COL4A2: variants seen among roughly 807,000 people sequenced by gnomAD.
COL4A2 encodes collagen alpha-2(IV) chain.
Under a neutral mutation model 200.2 loss-of-function variants are expected in COL4A2, and 99 were observed. The ratio of observed to expected loss-of-function variants is 0.49; its 90% CI spans 0.42 to 0.58. The LOEUF is 0.58. COL4A2 is among the 20% of genes least tolerant of loss of function. The probability of loss-of-function intolerance (pLI) is 0.00; values close to 1 mark genes in which losing one functional copy is unlikely to be tolerated. For synonymous variants in COL4A2, 897 were observed against 900.6 expected, an observed-to-expected ratio of 1.00 and a Z score of 0.07; for missense variants, 1,950 against 2,314.1, an observed-to-expected ratio of 0.84 and a Z score of 3.23.
rs1384327014 is a variant in COL4A2 at position 110,458,748 on chromosome 13, GCCCTCCTCT to G, written c.1433-13_1433-5del. The stretch of plus-strand genomic sequence containing the variant: ...GCTAAGAGGAATGCGGAACAAGGAG[GCCCTCCTCT>G]CCCTCCTCTGCAGGTGACGCTGGGG... On this transcript the variant is annotated splice_polypyrimidine_tract_variant and intron_variant, in intron 21 of 47. Transcript: ENST00000360467. 6.2e-7 allele frequency: 1 copy of G among 1,613,576 alleles called. No individual in the cohort carries two copies. The highest frequency in any genetic ancestry group is 1.1e-5 in the South Asian group (1 of 91,054).
Position 110,466,055 on chromosome 13 carries a change from C to A in COL4A2, c.2031C>A (p.Ile677=). The change falls in exon 26 of 48, where the codon ATC becomes ATA. Residue 677 remains isoleucine (I), a synonymous_variant. Coordinates refer to ENST00000360467, the MANE Select transcript of COL4A2 (RefSeq NM_001846.4). ...RAVGGDRQEA[I]QPGCIGGPKG... is the part of the protein sequence containing the mutation. ...TTGGAGGTGACAGACAGGAGGCCATCCAGCCAGGTACTCTGGGAAGTGCAG... is the reference window on the plus strand; with the variant it reads ...TTGGAGGTGACAGACAGGAGGCCATACAGCCAGGTACTCTGGGAAGTGCAG... The A allele has an allele frequency of 1.2e-6, 2 of 1,613,706 alleles. No individual in the cohort carries two copies. Among genetic ancestry groups the A allele is most frequent in the Non-Finnish European group, 1.7e-6 (2 of 1,179,676 alleles).
At chr13:110,338,890 G>A (rs1406618731) in intron 3 of COL4A2, among the ~76,000 whole-genome samples, 1 of 152,194 alleles carries the variant, frequency 6.6e-6, no homozygotes, top group Non-Finnish European at 1.5e-5. Flanking sequence ...TTTGTTTGGG[G>A]CTTTGTTTTG....
At chr13:110,500,467 C>T (rs1309001947) in intron 40 of COL4A2, among the ~76,000 whole-genome samples, 1 of 152,208 alleles carries the variant, frequency 6.6e-6, no homozygotes, top group Non-Finnish European at 1.5e-5. Flanking sequence ...GCACATAAAG[C>T]TCCATTAGTG....
At chr13:110,489,565 A>C in intron 35 of COL4A2, 57 bp downstream of exon 35, 2 of 1,598,292 alleles carry the variant, frequency 1.3e-6, no homozygotes, top group Non-Finnish European at 1.7e-6. Flanking sequence ...CTCTCTGAGC[A>C]TGTGAGCCAA....
chr13:110,489,673 A>G lies in COL4A2; in HGVS notation c.3272-38A>G, dbSNP rs369681905. ...TGCAAAACTCACAAAGTCCCAGTGG[A>G]AAGTCCTGTTCTTAGCCGTCTTTTT... On this transcript the variant is annotated intron_variant, in intron 35 of 47. Transcript: ENST00000360467. The G allele has an allele frequency of 2.5e-6, 4 of 1,612,984 alleles. No homozygotes were observed. The African/African-American group carries it at 4.0e-5, about 16-fold the overall frequency.
At chr13:110,311,428 G>A (rs1311566766) in intron 3 of COL4A2, among the ~76,000 whole-genome samples, 2 of 152,178 alleles carry the variant, frequency 1.3e-5, no homozygotes, top group African/African-American at 2.4e-5. Context: ...GTGACGGGGT[G>A]CAGTTCTCAG....
In COL4A2 at chr13:110,474,682, C is replaced by T. The variant is rs961572773; in HGVS notation, c.2425+1532C>T. On this transcript the variant is annotated intron_variant, in intron 29 of 47. Transcript: ENST00000360467. ...CACACATGATCACACTCCTTACACA[C>T]GTACCCACACACGTGCCTGTGTACA... Among the ~76,000 whole-genome samples the T allele has an allele frequency of 4.9e-5, 7 of 142,284 alleles. 1 individual carries two copies. The highest frequency in any genetic ancestry group is 1.8e-4 in the African/African-American group (7 of 38,868). 93.3% of individuals were successfully genotyped at this position (142,284 alleles called of 152,430 possible).
intron 4 of COL4A2, among the ~76,000 whole-genome samples, chr13:110,419,799 T>C (rs1396959558): frequency 3.3e-5 from 5 of 152,218 alleles, no homozygotes; most frequent in Non-Finnish European, 1.5e-5. Context: ...ATGGAGTCTG[T>C]CTTGTAGATA....
chr13:110,497,039 G>A (rs1324308913), intron 40 of COL4A2, among the ~76,000 whole-genome samples: 1 of 144,424 alleles, frequency 6.9e-6, no homozygotes, highest in African/African-American at 2.6e-5. Context: ...TCTAGGGTCA[G>A]CACACCAGCA....
chr13:110,393,886 A>AG (rs1879088521), intron 4 of COL4A2, among the ~76,000 whole-genome samples: 1 of 152,190 alleles, frequency 6.6e-6, no homozygotes, highest in African/African-American at 2.4e-5. Context: ...CAAAAAAAAA[A>AG]TTCTTTTTTA....
intron 41 of COL4A2, 97 bp downstream of exon 41, chr13:110,501,881 CGCT>C: frequency 1.6e-6 from 2 of 1,231,704 alleles, no homozygotes; most frequent in Non-Finnish European, 2.3e-6. Context: ...TTCATTTCCA[CGCT>C]GTGCCCAGAC....
intron 3 of COL4A2, among the ~76,000 whole-genome samples, chr13:110,348,324 T>C (rs1876803554): frequency 6.6e-6 from 1 of 152,232 alleles, no homozygotes; most frequent in South Asian, 2.1e-4. Context: ...TAGGATGCCC[T>C]TGAAGTACTG....
At position 110,464,702 on chromosome 13, in the gene COL4A2, G is replaced by T. The variant is rs188211007; in HGVS notation, c.1777-703G>T. Among the ~76,000 whole-genome samples the T allele has an allele frequency of 2.0e-3, 310 of 152,296 alleles. 1 individual carries two copies. The highest frequency in any genetic ancestry group is 7.2e-3 in the African/African-American group (301 of 41,558). Reference sequence around the variant, plus strand: ...TGCCTCATTGTCATGAGAACACCCAGCCTCGTCCCGTGGCTCAGCAGATGA... The same window carrying T: ...TGCCTCATTGTCATGAGAACACCCATCCTCGTCCCGTGGCTCAGCAGATGA... On this transcript the variant is annotated intron_variant, in intron 24 of 47. Coordinates refer to ENST00000360467, the MANE Select transcript of COL4A2 (RefSeq NM_001846.4).
At chr13:110,369,081 G>A (rs536607385) in intron 4 of COL4A2, among the ~76,000 whole-genome samples, 26 of 152,186 alleles carry the variant, frequency 1.7e-4, no homozygotes, top group Non-Finnish European at 3.1e-4. Context: ...GTGGTGGCAC[G>A]CCACCTGTAG....
In COL4A2 at chr13:110,506,496, A is replaced by G; in HGVS notation, c.4484A>G (p.His1495Arg). Residue 1495 changes from histidine (H) to arginine (R), a missense_variant, in exon 46 of 48, where the codon CAC (histidine) becomes CGC (arginine). Physicochemically the swap from His to Arg is conservative, Grantham distance 29. Coordinates refer to ENST00000360467, the MANE Select transcript of COL4A2 (RefSeq NM_001846.4). The part of the protein sequence containing the change: ...SVSIGYLLVK[H>R]SQTDQEPMCP... ...AGCATCGGCTACCTCCTGGTGAAGC[A>G]CAGCCAGACGGACCAGGAGCCCATG... 1 of 1,612,752 alleles carries G rather than the reference A, an allele frequency of 6.2e-7. No individual in the cohort carries two copies. The highest frequency in any genetic ancestry group is 8.5e-7 in the Non-Finnish European group (1 of 1,179,774).
chr13:110,426,764 A>G (rs778966528), intron 6 of COL4A2, among the ~76,000 whole-genome samples: 1 of 152,360 alleles, frequency 6.6e-6, no homozygotes, highest in South Asian at 2.1e-4. Flanking sequence ...CAGACAAATA[A>G]TAGAGAAAAA....
At chr13:110,380,611 A>G in intron 4 of COL4A2, among the ~76,000 whole-genome samples, 1 of 152,178 alleles carries the variant, frequency 6.6e-6, no homozygotes. Context: ...TAGGAGGCTC[A>G]TCGAACACCC....
chr13:110,377,010 G>A (rs1376091617), intron 4 of COL4A2, among the ~76,000 whole-genome samples: 1 of 152,148 alleles, frequency 6.6e-6, no homozygotes, highest in African/African-American at 2.4e-5. Flanking sequence ...AATGGCCAGT[G>A]TGGTTCATCT....
At chr13:110,349,995 T>A (rs1175856101) in intron 3 of COL4A2, among the ~76,000 whole-genome samples, 1 of 152,060 alleles carries the variant, frequency 6.6e-6, no homozygotes, top group African/African-American at 2.4e-5. Context: ...AACTCCTAAC[T>A]TCAAGTGATC....
Sources: gnomAD v4.1 joint callset for allele counts (sites outside exome capture counted in the v4.1 genomes callset) on GRCh38, gnomAD v4.1.1 for gene constraint, MANE v1.5 for transcripts, NCBI Gene and HGNC (gene_info 2026-07-23, HGNC 2026-07-21) for gene names.